The following EYS variants were observed in gnomAD, a reference collection of about 807,000 sequenced individuals.
EYS encodes the protein EGF-like photoreceptor maintenance factor.
EYS carries 250 observed loss-of-function variants against 282.1 expected under a neutral mutation model. The ratio of observed to expected loss-of-function variants is 0.89; its 90% CI spans 0.80 to 0.98. EYS has a LOEUF of 0.98. EYS is among the 50% of genes least tolerant of loss of function. The pLI is 0.00. For missense variants in EYS, 4,016 were observed against 3,709.0 expected (o/e 1.08, Z -2.15); for synonymous variants, 1,355 against 1,282.9 (o/e 1.06, Z -1.20).
At chr6:65,316,695 G>A (rs980140384) in intron 11 of EYS, among the ~76,000 whole-genome samples, 4 of 151,688 alleles carry the variant, frequency 2.6e-5, no homozygotes, top group African/African-American at 9.7e-5. Context: ...TGTTCTCATT[G>A]TTCAACTCCC....
chr6:65,083,070 AT>A (rs759233683), intron 12 of EYS, among the ~76,000 whole-genome samples: 1 of 152,040 alleles, frequency 6.6e-6, no homozygotes, highest in Non-Finnish European at 1.5e-5. Context: ...TCTTAAAAAA[AT>A]CACATTGTTT....
intron 2 of EYS, among the ~76,000 whole-genome samples, chr6:65,535,704 C>T (rs1340511078): frequency 2.6e-5 from 4 of 152,112 alleles, no homozygotes; most frequent in East Asian, 1.9e-4. Context: ...CCTTACTCAG[C>T]GATGTCAAAC....
intron 12 of EYS, among the ~76,000 whole-genome samples, chr6:65,104,869 A>G (rs753777677): frequency 2.0e-5 from 3 of 151,686 alleles, no homozygotes; most frequent in Admixed American, 6.6e-5. Flanking sequence ...TTCAAATAAT[A>G]TATTTTCTGA....
At chr6:64,435,364 A>G (rs2150463073) in intron 28 of EYS, among the ~76,000 whole-genome samples, 1 of 151,636 alleles carries the variant, frequency 6.6e-6, no homozygotes, top group South Asian at 2.1e-4. Flanking sequence ...GTTCTGGCCT[A>G]AGGAAGATAG....
chr6:64,115,669 C>T (rs1421088580), intron 31 of EYS, among the ~76,000 whole-genome samples: 1 of 152,178 alleles, frequency 6.6e-6, no homozygotes, highest in African/African-American at 2.4e-5. Flanking sequence ...CTGGTGTCCT[C>T]ACATCCACCC....
intron 10 of EYS, among the ~76,000 whole-genome samples, chr6:65,336,876 G>T (rs1477580143): frequency 6.6e-6 from 1 of 151,304 alleles, no homozygotes; most frequent in Non-Finnish European, 1.5e-5. Context: ...ACTTCTTATG[G>T]AGTGCTTAAA....
chr6:63,821,922 G>A (rs1771335581), intron 36 of EYS: 1 of 152,198 alleles, frequency 6.6e-6, no homozygotes, highest in Non-Finnish European at 1.5e-5. Flanking sequence ...AACCCAGAGA[G>A]CAGTGAAGCT....
Position 65,347,560 on chromosome 6 carries a change from A to AT in EYS, c.1460-3384dup, listed in dbSNP as rs33935472. ...TTAACTATAAACATCTTCCCCATCCATTTTTTTTTTTTGTTTTTCCCTTTG... is the reference window on the plus strand; with the variant it reads ...TTAACTATAAACATCTTCCCCATCCATTTTTTTTTTTTTGTTTTTCCCTTTG... On this transcript the variant is annotated intron_variant, in intron 9 of 42. Coordinates refer to ENST00000503581, the MANE Select transcript of EYS (RefSeq NM_001142800.2). Among the ~76,000 whole-genome samples, 1,039 of 147,002 alleles carry AT rather than the reference A, an allele frequency of 7.1e-3. 12 individuals carry two copies. The highest frequency in any genetic ancestry group is 0.024 in the African/African-American group (955 of 40,066).
chr6:65,496,030 A>G (rs925553117), intron 2 of EYS, 37 bp from the exon 3 acceptor site: 5 of 152,214 alleles, frequency 3.3e-5, no homozygotes, highest in Non-Finnish European at 5.9e-5. Flanking sequence ...ATTTAAACAT[A>G]TTTTTCATGT....
At chr6:63,786,642 G>A (rs1290670121) in intron 39 of EYS, among the ~76,000 whole-genome samples, 6 of 151,494 alleles carry the variant, frequency 4.0e-5, no homozygotes, top group Non-Finnish European at 8.8e-5. Flanking sequence ...CATGACACAT[G>A]TATACTATGT....
At chr6:63,879,241 A>G (rs980724940) in intron 35 of EYS, among the ~76,000 whole-genome samples, 4 of 152,208 alleles carry the variant, frequency 2.6e-5, no homozygotes, top group Admixed American at 6.5e-5. Context: ...TTATAGGCAT[A>G]TATTATTTGA....
intron 12 of EYS, among the ~76,000 whole-genome samples, chr6:65,293,726 G>A (rs1207055650): frequency 1.3e-5 from 2 of 151,816 alleles, no homozygotes; most frequent in Admixed American, 6.6e-5. Context: ...AACTCCTAAC[G>A]TGGGGCCAAT....
At chr6:63,869,352 C>G (rs1483569606) in intron 35 of EYS, among the ~76,000 whole-genome samples, 2 of 152,066 alleles carry the variant, frequency 1.3e-5, no homozygotes, top group African/African-American at 2.4e-5. Context: ...CTCGCCTTCT[C>G]TCTTCCCTCT....
intron 2 of EYS, among the ~76,000 whole-genome samples, chr6:65,545,694 C>A (rs1331211): frequency 0.75 from 113,388 of 151,972 alleles, 43,074 homozygotes; most frequent in African/African-American, 0.89. Context: ...AAATAAGCTA[C>A]ATATTTATGG....
intron 8 of EYS, among the ~76,000 whole-genome samples, chr6:65,370,236 C>T (rs1254977640): frequency 6.9e-6 from 1 of 145,944 alleles, no homozygotes; most frequent in African/African-American, 2.5e-5. Context: ...TCTTTCCTTT[C>T]TATTTCTTTC....
At chr6:65,114,249 C>G (rs559235601) in intron 12 of EYS, among the ~76,000 whole-genome samples, 1 of 150,606 alleles carries the variant, frequency 6.6e-6, no homozygotes, top group South Asian at 2.1e-4. Flanking sequence ...CAAAGAAATG[C>G]CAAATATATG....
At chr6:65,660,728 T>C (rs1243731109) in intron 1 of EYS, among the ~76,000 whole-genome samples, 2 of 151,866 alleles carry the variant, frequency 1.3e-5, no homozygotes, top group African/African-American at 4.8e-5. Flanking sequence ...AAAATTGATA[T>C]ATTAACTTTC....
chr6:65,225,283 T>A (rs1306195035), intron 12 of EYS, among the ~76,000 whole-genome samples: 2 of 149,546 alleles, frequency 1.3e-5, no homozygotes, highest in African/African-American at 4.9e-5. Flanking sequence ...TTGAAAATAT[T>A]TGAATCTATA....
At chr6:64,521,439 C>A (rs775506441) in intron 26 of EYS, among the ~76,000 whole-genome samples, 14 of 151,716 alleles carry the variant, frequency 9.2e-5, no homozygotes, top group Non-Finnish European at 1.9e-4. Context: ...GTCTGCAACA[C>A]CAACAGAAGT....
Sources: gnomAD v4.1 joint callset for allele counts (sites outside exome capture counted in the v4.1 genomes callset) on GRCh38, gnomAD v4.1.1 for gene constraint, MANE v1.5 for transcripts, NCBI Gene and HGNC (gene_info 2026-07-23, HGNC 2026-07-21) for gene names.